Variants in UBA3 observed in about 807,000 individuals in gnomAD.
The protein encoded by UBA3 is NEDD8-activating enzyme E1 catalytic subunit.
UBA3 carries 26 observed loss-of-function variants against 73.5 expected under a neutral mutation model. The observed-to-expected ratio is 0.35, with a 90% CI of 0.26 to 0.49. The LOEUF is 0.49. Among genes scored for constraint, UBA3 ranks in the 20% least tolerant of loss-of-function variants. The pLI is 0.98. For synonymous variants in UBA3, 217 were observed against 191.2 expected (o/e 1.13, Z -1.11); for missense variants, 495 against 555.6 (o/e 0.89, Z 1.10).
At chr3:69,069,227 G>A (rs887204126) in intron 5 of UBA3, among the ~76,000 whole-genome samples, 1 of 152,066 alleles carries the variant, frequency 6.6e-6, no homozygotes, top group African/African-American at 2.4e-5. Flanking sequence ...CTAGCACACA[G>A]TAAATACTTT....
In UBA3 at chr3:69,080,342, G is replaced by A. The variant is rs752524318; in HGVS notation, c.12C>T (p.Gly4=). ...AGAGCCCCGGTACTTACGGCTCCTC[G>A]CCATCCGCCATATTGTTCTCCGCCT... The part of the protein sequence containing the change: MAD[G]EEPEKKRRRI... The change falls in exon 1 of 18, where the codon GGC becomes GGT. Residue 4 remains glycine, a synonymous_variant. Coordinates refer to ENST00000361055, the MANE Select transcript of UBA3 (RefSeq NM_003968.4). The A allele has an allele frequency of 3.8e-6, 6 of 1,592,046 alleles. No homozygotes were observed. Among genetic ancestry groups the A allele is most frequent in the Non-Finnish European group, 4.3e-6 (5 of 1,172,164 alleles).
At chr3:69,064,473 T>C (rs1378162321) in intron 6 of UBA3, among the ~76,000 whole-genome samples, 1 of 152,162 alleles carries the variant, frequency 6.6e-6, no homozygotes, top group Non-Finnish European at 1.5e-5. Flanking sequence ...GCAATAAATG[T>C]TTTAGTGAAG....
chr3:69,060,096 T>C (rs576927286), intron 11 of UBA3, among the ~76,000 whole-genome samples: 1 of 152,348 alleles, frequency 6.6e-6, no homozygotes, highest in Non-Finnish European at 1.5e-5. Context: ...TTCAGATGTC[T>C]GTTCTCAGAG....
intron 6 of UBA3, among the ~76,000 whole-genome samples, chr3:69,066,992 CTA>C (rs1480161173): frequency 6.6e-6 from 1 of 152,138 alleles, no homozygotes; most frequent in Non-Finnish European, 1.5e-5. Flanking sequence ...ATTACTATAG[CTA>C]TATAAGTCTA....
At chr3:69,066,214 T>C (rs1366400172) in intron 6 of UBA3, among the ~76,000 whole-genome samples, 1 of 152,132 alleles carries the variant, frequency 6.6e-6, no homozygotes, top group Non-Finnish European at 1.5e-5. Context: ...TGGAATGCAG[T>C]GGCTATTCAC....
At chr3:69,076,733 G>A (rs2092170072) in intron 3 of UBA3, among the ~76,000 whole-genome samples, 1 of 151,662 alleles carries the variant, frequency 6.6e-6, no homozygotes, top group Admixed American at 6.6e-5. Context: ...ATCATGCACA[G>A]CTAATTTTTT....
chr3:69,063,464 G>T lies in UBA3; in HGVS notation c.512C>A (p.Ala171Asp). 6.3e-7 allele frequency: 1 copy of T among 1,596,910 alleles called. No individual in the cohort carries two copies. The highest frequency in any genetic ancestry group is 8.5e-7 in the Non-Finnish European group (1 of 1,175,568). Residue 171 changes from alanine to aspartate, a missense_variant, in exon 8 of 18, where the codon GCC becomes GAC. Transcript: ENST00000361055. Reference protein sequence around the residue: ...IIVCGLDSIIARRWINGMLIS... With the variant: ...IIVCGLDSIIDRRWINGMLIS... ...CAGCATGCCATTTATCCATCTTCTG[G>T]CGATGATAGAGTCCAGTCCACATAC...
intron 4 of UBA3, among the ~76,000 whole-genome samples, chr3:69,073,539 T>C (rs114647985): frequency 0.011 from 1,617 of 152,322 alleles, 17 homozygotes; most frequent in African/African-American, 0.025. Context: ...AACACCTTTC[T>C]GTATTTGTTC....
At chr3:69,069,000 AG>A (rs1431565929) in intron 5 of UBA3, among the ~76,000 whole-genome samples, 2 of 152,266 alleles carry the variant, frequency 1.3e-5, no homozygotes, top group Non-Finnish European at 2.9e-5. Flanking sequence ...ACATATAGAT[AG>A]GAAAGGATAT....
Position 69,055,445 on chromosome 3 carries a change from TA to T in UBA3, c.1383del (p.Phe461LeufsTer16). 1 of 1,516,908 alleles carries T rather than the reference TA, an allele frequency of 6.6e-7. No individual in the cohort carries two copies. The highest frequency in any genetic ancestry group is 2.6e-5 in the Admixed American group (1 of 39,056). 94.0% of individuals were successfully genotyped at this position (1,516,908 alleles called of 1,614,324 possible). ...TTATGTGGAGATTTTCCTTAAGAAG[TA>T]AAATGAAGTTTGAATAGTACAGTCT... is the stretch of plus-strand genomic sequence containing the variant. ...TPQTVLFKLH[F>X]TS is the part of the protein sequence containing the mutation. On this transcript the variant is annotated frameshift_variant, in exon 18 of 18. Transcript: ENST00000361055. LOFTEE classifies it high-confidence loss of function.
At position 69,080,318 on chromosome 3, in the gene UBA3, G is replaced by A; in HGVS notation, c.20+16C>T. On this transcript the variant is annotated intron_variant, in intron 1 of 17. Transcript: ENST00000361055. ...CCCAGCCCAGCCCGGCGCGTCTGCA[G>A]AGCCCCGGTACTTACGGCTCCTCGC... is the stretch of plus-strand genomic sequence containing the variant. 1 of 1,604,320 alleles carries A rather than the reference G, an allele frequency of 6.2e-7. No individual in the cohort carries two copies. The highest frequency in any genetic ancestry group is 8.5e-7 in the Non-Finnish European group (1 of 1,177,342).
At chr3:69,060,684 C>T (rs1056906837) in intron 11 of UBA3, among the ~76,000 whole-genome samples, 2 of 152,210 alleles carry the variant, frequency 1.3e-5, no homozygotes, top group Non-Finnish European at 2.9e-5. Context: ...CCCTCCAAAT[C>T]TCATACTGAA....
At chr3:69,068,154 GT>G (rs1351483122) in intron 5 of UBA3, 146 bp from the exon 6 acceptor site, 4 of 544,544 alleles carry the variant, frequency 7.3e-6, no homozygotes, top group Non-Finnish European at 9.2e-6. Flanking sequence ...TTTGATTTCA[GT>G]AATAACTTTT....
chr3:69,057,924 C>CTTTT lies in UBA3; in HGVS notation c.911-619_911-616dup, dbSNP rs368333207. On this transcript the variant is annotated intron_variant, in intron 11 of 17. Coordinates refer to ENST00000361055, the MANE Select transcript of UBA3 (RefSeq NM_003968.4). ...TTCTCTACTTCAACCCCACATTTTT[C>CTTTT]TTTTTTTTTTTTTTTTTTTGAGACA... Among the ~76,000 whole-genome samples the CTTTT allele has an allele frequency of 4.7e-3, 547 of 115,450 alleles. 21 individuals are homozygous for CTTTT. Among genetic ancestry groups the CTTTT allele is most frequent in the African/African-American group, 0.012 (370 of 29,890 alleles). The allele number at this position is 115,450 out of a possible 152,430, so 75.7% of individuals were successfully genotyped here. A position where few individuals can be genotyped will look rare whatever the true frequency, so the allele number is the denominator to read the frequency against.
At chr3:69,056,940 T>A (rs1348811529) in intron 12 of UBA3, 125 bp from the exon 13 acceptor site, 3 of 1,086,770 alleles carry the variant, frequency 2.8e-6, no homozygotes, top group East Asian at 4.8e-5. Flanking sequence ...TTCCAATTTT[T>A]AAAAACTGAG....
At position 69,055,293 on chromosome 3, in the gene UBA3, G is replaced by GT; in HGVS notation, c.*143dup. 4.1e-6 allele frequency: 2 copies of GT among 491,440 alleles called. No homozygotes were observed. The allele number at this position is 491,440 out of a possible 1,614,324, so 30.4% of individuals were successfully genotyped here. Reference sequence around the variant, plus strand: ...ACCAAAATTCTGTCTTCAAGGGAAGGTTACAAAGTTAAAAAAGAGTGGTTC... The same window carrying GT: ...ACCAAAATTCTGTCTTCAAGGGAAGGTTTACAAAGTTAAAAAAGAGTGGTTC... On this transcript the variant is annotated 3_prime_UTR_variant, in exon 18 of 18. Coordinates refer to ENST00000361055, the MANE Select transcript of UBA3 (RefSeq NM_003968.4).
chr3:69,055,611 C>T (rs1243622709), intron 17 of UBA3, 86 bp from the exon 18 acceptor site: 29 of 1,034,570 alleles, frequency 2.8e-5, no homozygotes, highest in Admixed American at 1.1e-4. Context: ...CAGAGTATTA[C>T]GGTCTAGAAA....
intron 11 of UBA3, among the ~76,000 whole-genome samples, chr3:69,061,271 C>G (rs2092019102): frequency 6.6e-6 from 1 of 152,246 alleles, no homozygotes; most frequent in African/African-American, 2.4e-5. Context: ...CTCAGGCTCA[C>G]TGCAACCTCA....
rs767076724 is a variant in UBA3, at chr3:69,077,931, C to T, written c.63-13G>A. 6.2e-7 allele frequency: 1 copy of T among 1,610,598 alleles called. No individual in the cohort carries two copies. Among genetic ancestry groups the T allele is most frequent in the Non-Finnish European group, 8.5e-7 (1 of 1,178,882 alleles). ...ATCAACAGCCATTCTGCACAGAACACAGTAAATTCAGCTGCAAAGATCAGT... is the reference window on the plus strand; with the variant it reads ...ATCAACAGCCATTCTGCACAGAACATAGTAAATTCAGCTGCAAAGATCAGT... On this transcript the variant is annotated splice_polypyrimidine_tract_variant and intron_variant, in intron 2 of 17. Transcript: ENST00000361055.
Sources: gnomAD v4.1 joint callset for allele counts (sites outside exome capture counted in the v4.1 genomes callset) on GRCh38, gnomAD v4.1.1 for gene constraint, MANE v1.5 for transcripts, NCBI Gene and HGNC (gene_info 2026-07-23, HGNC 2026-07-21) for gene names.